Variants in CTNNA3 observed in about 807,000 individuals in gnomAD.
CTNNA3 encodes the protein catenin alpha 3.
Under a neutral mutation model 95.7 loss-of-function variants are expected in CTNNA3, and 76 were observed. The ratio of observed to expected loss-of-function variants is 0.79; its 90% CI spans 0.66 to 0.96. The LOEUF is 0.96. Among genes scored for constraint, CTNNA3 ranks in the 40% least tolerant of loss-of-function variants. The pLI, the probability that CTNNA3 is intolerant of heterozygous loss-of-function variation, is 0.00. For synonymous variants in CTNNA3, 431 were observed against 374.4 expected, an observed-to-expected ratio of 1.15 and a Z score of -1.74; for missense variants, 1,191 against 1,089.8, an observed-to-expected ratio of 1.09 and a Z score of -1.31.
At chr10:66,334,273 A>G (rs1257624905) in intron 12 of CTNNA3, among the ~76,000 whole-genome samples, 1 of 151,874 alleles carries the variant, frequency 6.6e-6, no homozygotes, top group Non-Finnish European at 1.5e-5. Flanking sequence ...TGTCATTGTG[A>G]TGTTAGCTGG....
intron 1 of CTNNA3, among the ~76,000 whole-genome samples, chr10:67,660,294 C>T (rs893323974): frequency 1.3e-5 from 2 of 152,178 alleles, no homozygotes; most frequent in Non-Finnish European, 2.9e-5. Flanking sequence ...AAATAGATGA[C>T]TTTTCTCCCC....
At chr10:66,579,029 G>A (rs1394143094) in intron 10 of CTNNA3, among the ~76,000 whole-genome samples, 2 of 147,184 alleles carry the variant, frequency 1.4e-5, no homozygotes, top group Non-Finnish European at 3.0e-5. Flanking sequence ...ACTGATTATT[G>A]GTCTGTTCAG....
chr10:66,263,451 A>G (rs1164327327), intron 13 of CTNNA3, among the ~76,000 whole-genome samples: 1 of 152,026 alleles, frequency 6.6e-6, no homozygotes, highest in African/African-American at 2.4e-5. Context: ...GTGTCACTTT[A>G]TGCTTATATA....
At chr10:67,589,311 C>T (rs1842726454) in intron 3 of CTNNA3, among the ~76,000 whole-genome samples, 1 of 152,134 alleles carries the variant, frequency 6.6e-6, no homozygotes, top group African/African-American at 2.4e-5. Flanking sequence ...TCCCAATATA[C>T]TCTGGGTGCC....
chr10:66,614,580 T>C (rs1844445256), intron 10 of CTNNA3, among the ~76,000 whole-genome samples: 1 of 151,966 alleles, frequency 6.6e-6, no homozygotes, highest in Admixed American at 6.6e-5. Context: ...TCAATATATA[T>C]CTCTTTTAGA....
At chr10:67,554,314 A>G (rs1310078369) in intron 3 of CTNNA3, among the ~76,000 whole-genome samples, 1 of 152,206 alleles carries the variant, frequency 6.6e-6, no homozygotes, top group Non-Finnish European at 1.5e-5. Flanking sequence ...TTCTGGTTCT[A>G]CATCCTTGAG....
intron 6 of CTNNA3, among the ~76,000 whole-genome samples, chr10:67,218,699 T>C (rs1314444107): frequency 2.6e-5 from 4 of 152,176 alleles, no homozygotes; most frequent in African/African-American, 9.7e-5. Flanking sequence ...TTTACAAAAT[T>C]TAGCACTGAT....
At chr10:67,358,493 G>A (rs560616539) in intron 5 of CTNNA3, among the ~76,000 whole-genome samples, 55 of 152,172 alleles carry the variant, frequency 3.6e-4, no homozygotes, top group Admixed American at 2.0e-3. Flanking sequence ...TGAAGAAGGA[G>A]GAAGCTAGGA....
chr10:66,790,915 A>T (rs1840942133), intron 7 of CTNNA3, among the ~76,000 whole-genome samples: 1 of 152,064 alleles, frequency 6.6e-6, no homozygotes, highest in African/African-American at 2.4e-5. Flanking sequence ...CTCCAATTGT[A>T]CATCAAAACC....
intron 7 of CTNNA3, among the ~76,000 whole-genome samples, chr10:66,846,353 A>C (rs1179158910): frequency 6.6e-6 from 1 of 152,150 alleles, no homozygotes; most frequent in Non-Finnish European, 1.5e-5. Context: ...TAAAGTTTCA[A>C]TTAAGCAAGA....
intron 11 of CTNNA3, among the ~76,000 whole-genome samples, chr10:66,505,084 C>CA (rs1397448823): frequency 6.6e-5 from 10 of 152,106 alleles, no homozygotes; most frequent in African/African-American, 2.2e-4. Flanking sequence ...TTAAGACAGT[C>CA]AAAAAAGGAC....
intron 7 of CTNNA3, among the ~76,000 whole-genome samples, chr10:66,853,258 TC>T (rs1843560193): frequency 1.3e-5 from 2 of 152,048 alleles, no homozygotes; most frequent in Non-Finnish European, 2.9e-5. Flanking sequence ...AGTATATGGC[TC>T]ACAAAGGCTA....
chr10:65,977,181 T>C (rs979413501), intron 16 of CTNNA3, among the ~76,000 whole-genome samples: 2 of 151,076 alleles, frequency 1.3e-5, no homozygotes, highest in South Asian at 2.1e-4. Context: ...ATCTACTTAG[T>C]TCCTTAATGC....
At chr10:67,138,131 A>C (rs537342620) in intron 7 of CTNNA3, among the ~76,000 whole-genome samples, 1 of 152,182 alleles carries the variant, frequency 6.6e-6, no homozygotes, top group South Asian at 2.1e-4. Context: ...AAGAAACATT[A>C]GATTTATATA....
chr10:67,596,778 G>A (rs564261619), intron 3 of CTNNA3, among the ~76,000 whole-genome samples: 1 of 152,184 alleles, frequency 6.6e-6, no homozygotes. Context: ...ATGTCACAGG[G>A]GTCTCTGAAT....
At position 67,662,464 on chromosome 10, in the gene CTNNA3, A is replaced by G. The variant is rs78674454; in HGVS notation, c.-5-14946T>C. 5.1e-3 allele frequency among the ~76,000 whole-genome samples: 775 copies of G among 152,342 alleles called. 14 individuals are homozygous for G. The East Asian group carries it at 0.054, about 11-fold the overall frequency. Reference sequence around the variant, plus strand: ...GAAACTAGAAACAACTCAAATTTTCATCTACAAGTGAATGGATAAACAATC... The same window carrying G: ...GAAACTAGAAACAACTCAAATTTTCGTCTACAAGTGAATGGATAAACAATC... On this transcript the variant is annotated intron_variant, in intron 1 of 17. Transcript: ENST00000433211.
At chr10:67,670,295 G>A (rs1840406630) in intron 1 of CTNNA3, among the ~76,000 whole-genome samples, 1 of 152,148 alleles carries the variant, frequency 6.6e-6, no homozygotes, top group Admixed American at 6.5e-5. Context: ...AAGCAGCCAT[G>A]TCTATTTTAC....
chr10:66,763,331 C>CAGAGAGAGAG (rs1297169147), intron 9 of CTNNA3, among the ~76,000 whole-genome samples: 4 of 64,368 alleles, frequency 6.2e-5, no homozygotes, highest in African/African-American at 2.1e-4. Context: ...CACACACACA[C>CAGAGAGAGAG]ACACACACAC....
rs76796144 is a variant in CTNNA3 at position 66,893,708 on chromosome 10, T to C, written c.1048-118184A>G. 4.9e-3 allele frequency among the ~76,000 whole-genome samples: 744 copies of C among 152,244 alleles called. 8 individuals are homozygous for C. The highest frequency in any genetic ancestry group is 0.017 in the African/African-American group (696 of 41,562). ...AAAATATGAGGGAAACCTAATGTAC[T>C]CAAATTCAATGCAAGATGAATCTTT... On this transcript the variant is annotated intron_variant, in intron 7 of 17. Coordinates refer to ENST00000433211, the MANE Select transcript of CTNNA3 (RefSeq NM_013266.4).
Sources: gnomAD v4.1 joint callset for allele counts (sites outside exome capture counted in the v4.1 genomes callset) on GRCh38, gnomAD v4.1.1 for gene constraint, MANE v1.5 for transcripts, NCBI Gene and HGNC (gene_info 2026-07-23, HGNC 2026-07-21) for gene names.